Variants in CSMD3 observed in about 807,000 individuals in gnomAD.
CSMD3 encodes the protein CUB and Sushi multiple domains 3, also known as CUB and sushi domain-containing protein 3.
CSMD3 carries 177 observed loss-of-function variants against 435.2 expected under a neutral mutation model. The ratio of observed to expected loss-of-function variants is 0.41; its 90% CI spans 0.36 to 0.46. The LOEUF (loss-of-function observed/expected upper bound fraction) is 0.46, where lower values mean the gene tolerates loss of function less well. Ranked by LOEUF, CSMD3 falls within the 20% of genes least tolerant of loss-of-function variation. CSMD3 has a pLI of 0.34. For missense variants in CSMD3, 4,265 were observed against 4,504.6 expected (o/e 0.95, Z 1.52); for synonymous variants, 1,656 against 1,520.5 (o/e 1.09, Z -2.07).
At position 112,420,456 on chromosome 8, in the gene CSMD3, C is replaced by T. The variant is rs1018700541; in HGVS notation, c.5396-11424G>A. Among the ~76,000 whole-genome samples the T allele has an allele frequency of 1.3e-4, 20 of 152,040 alleles. No homozygotes were observed. In the South Asian group the frequency reaches 2.1e-3, roughly 16 times the overall value. ...TTCATCAAATAACTATTTCTTGTTC[C>T]GATTTCCCTGATTTTACCCAAAAAT... On this transcript the variant is annotated intron_variant, in intron 32 of 70. Coordinates refer to ENST00000297405, the MANE Select transcript of CSMD3 (RefSeq NM_198123.2).
intron 15 of CSMD3, among the ~76,000 whole-genome samples, chr8:112,683,575 T>A (rs922587108): frequency 6.6e-6 from 1 of 152,042 alleles, no homozygotes; most frequent in Non-Finnish European, 1.5e-5. Flanking sequence ...GATTATAGAT[T>A]ACATGAACAA....
chr8:112,500,606 A>G (rs1263220958), intron 30 of CSMD3, among the ~76,000 whole-genome samples: 1 of 152,216 alleles, frequency 6.6e-6, no homozygotes, highest in Non-Finnish European at 1.5e-5. Context: ...AATGATAATG[A>G]TACAGGAGTT....
rs534375256 is a variant in CSMD3 at position 112,999,651 on chromosome 8, G to A, written c.1030+19416C>T. On this transcript the variant is annotated intron_variant, in intron 6 of 70. Coordinates refer to ENST00000297405, the MANE Select transcript of CSMD3 (RefSeq NM_198123.2). ...AGAGCAGATAGACCTTTTAGGAAAG[G>A]TCAAAATGATCCAAGCAGGAGAAGG... Among the ~76,000 whole-genome samples the A allele has an allele frequency of 6.6e-5, 10 of 151,592 alleles. No homozygotes were observed. In the East Asian group the frequency reaches 2.0e-3, roughly 30 times the overall value.
At chr8:112,284,103 A>G (rs1359926881) in intron 58 of CSMD3, among the ~76,000 whole-genome samples, 1 of 151,914 alleles carries the variant, frequency 6.6e-6, no homozygotes, top group African/African-American at 2.4e-5. Context: ...TAAAGATATT[A>G]TAACAATACA....
intron 13 of CSMD3, among the ~76,000 whole-genome samples, chr8:112,772,550 C>G (rs562946948): frequency 6.6e-6 from 1 of 151,968 alleles, no homozygotes. Context: ...AATATGGCCT[C>G]GTGGGAAGGG....
At chr8:112,469,696 A>G (rs1008069728) in intron 32 of CSMD3, among the ~76,000 whole-genome samples, 5 of 152,176 alleles carry the variant, frequency 3.3e-5, no homozygotes, top group African/African-American at 7.2e-5. Flanking sequence ...GAGCTCAGGC[A>G]GTAATGATAG....
At chr8:112,802,424 A>G (rs2078980879) in intron 12 of CSMD3, among the ~76,000 whole-genome samples, 1 of 152,048 alleles carries the variant, frequency 6.6e-6, no homozygotes. Context: ...CCTGCTTGTC[A>G]TAATGATAGG....
chr8:112,424,688 CTTA>C (rs1476348681), intron 32 of CSMD3, among the ~76,000 whole-genome samples: 1 of 151,538 alleles, frequency 6.6e-6, no homozygotes, highest in African/African-American at 2.4e-5. Context: ...ATTTTACTTA[CTTA>C]TTTATTTATT....
intron 6 of CSMD3, among the ~76,000 whole-genome samples, chr8:112,989,178 A>G (rs142870528): frequency 1.6e-3 from 242 of 152,154 alleles, no homozygotes; most frequent in African/African-American, 5.7e-3. Flanking sequence ...AGGTAGTGAA[A>G]CACAAAGTGA....
chr8:113,089,808 A>G (rs1200812856), intron 5 of CSMD3, among the ~76,000 whole-genome samples: 3 of 152,140 alleles, frequency 2.0e-5, no homozygotes, highest in African/African-American at 4.8e-5. Context: ...TGAAAATTCC[A>G]TATCATCTTA....
chr8:113,094,150 A>C (rs1420959676), intron 5 of CSMD3, among the ~76,000 whole-genome samples: 1 of 152,110 alleles, frequency 6.6e-6, no homozygotes, highest in African/African-American at 2.4e-5. Flanking sequence ...CATATTTTCC[A>C]TAATCTAATC....
chr8:113,299,346 T>C (rs753213533), intron 2 of CSMD3, among the ~76,000 whole-genome samples: 1 of 152,196 alleles, frequency 6.6e-6, no homozygotes. Context: ...ATGTGTAGAA[T>C]AGCTATTTGT....
intron 11 of CSMD3, among the ~76,000 whole-genome samples, chr8:112,846,942 T>C (rs2080339504): frequency 6.6e-6 from 1 of 152,074 alleles, no homozygotes; most frequent in Non-Finnish European, 1.5e-5. Flanking sequence ...CTGCCAAGCC[T>C]GGGTGTTCTA....
chr8:113,419,271 C>T (rs1209284094), intron 1 of CSMD3, among the ~76,000 whole-genome samples: 1 of 151,792 alleles, frequency 6.6e-6, no homozygotes, highest in Non-Finnish European at 1.5e-5. Context: ...GCACTCACCA[C>T]CACGCCTGGA....
At chr8:113,226,909 C>T (rs1022214481) in intron 3 of CSMD3, among the ~76,000 whole-genome samples, 4 of 151,478 alleles carry the variant, frequency 2.6e-5, no homozygotes, top group African/African-American at 7.3e-5. Context: ...GACAATTGTA[C>T]CATGATACAG....
chr8:113,171,528 T>G (rs1465543210), intron 4 of CSMD3, among the ~76,000 whole-genome samples: 2 of 55,910 alleles, frequency 3.6e-5, no homozygotes, highest in Non-Finnish European at 6.5e-5. Context: ...GTCTCTGATT[T>G]AGGGAGTTTT....
In CSMD3 at chr8:112,503,953, G is replaced by T. The variant is rs757126649; in HGVS notation, c.4920C>A (p.Asp1640Glu). The T allele has an allele frequency of 6.2e-7, 1 of 1,605,302 alleles. No homozygotes were observed. The highest frequency in any genetic ancestry group is 8.5e-7 in the Non-Finnish European group (1 of 1,173,344). ...CTGGTCCATCATAGATATAGAGGAAGTCATAGTTTGGTTCTATGCTAAAAC... is the reference window on the plus strand; with the variant it reads ...CTGGTCCATCATAGATATAGAGGAATTCATAGTTTGGTTCTATGCTAAAAC... ...FISFSIEPNY[D>E]FLYIYDGPDS... The change falls in exon 30 of 71, where the codon GAC becomes GAA. Residue 1640 changes from aspartate to glutamate, a missense_variant. Around this residue, in one of 3 missense-constraint regions of CSMD3, gnomAD observed 3,255 missense variants for 3,380.2 expected, o/e 0.96. Transcript: ENST00000297405.
chr8:112,692,965 C>A (rs943365623), intron 13 of CSMD3, among the ~76,000 whole-genome samples: 1 of 142,966 alleles, frequency 7.0e-6, no homozygotes, highest in Non-Finnish European at 1.5e-5. Flanking sequence ...ATCTATCTAT[C>A]TATCTATCGA....
chr8:112,555,019 C>A (rs1460139720), intron 25 of CSMD3, among the ~76,000 whole-genome samples: 1 of 151,848 alleles, frequency 6.6e-6, no homozygotes, highest in Non-Finnish European at 1.5e-5. Flanking sequence ...CTTCTGTTAT[C>A]ATCAAATTAT....
Sources: gnomAD v4.1 joint callset for allele counts (sites outside exome capture counted in the v4.1 genomes callset) on GRCh38, gnomAD v4.1.1 for gene constraint, gnomAD v4.1.1 regional missense constraint, MANE v1.5 for transcripts, NCBI Gene and HGNC (gene_info 2026-07-23, HGNC 2026-07-21) for gene names.